The following C7 variants were observed in gnomAD, a reference collection of about 807,000 sequenced individuals.
The protein encoded by C7 is complement C7.
In C7, 83 loss-of-function variants were observed where a neutral mutation model predicts 104.8. That is an observed-to-expected ratio of 0.79 (90% CI 0.66 to 0.95). C7 has a LOEUF of 0.95. C7 is among the 40% of genes least tolerant of loss of function. C7 has a pLI of 0.00. For synonymous variants in C7, 415 were observed against 360.6 expected (o/e 1.15, Z -1.71); for missense variants, 1,070 against 1,011.2 (o/e 1.06, Z -0.79).
chr5:40,922,768 G>T (rs1739468440), intron 1 of C7, among the ~76,000 whole-genome samples: 1 of 151,562 alleles, frequency 6.6e-6, no homozygotes, highest in Non-Finnish European at 1.5e-5. Context: ...GGAAAACTGG[G>T]CATCCATATT....
chr5:40,943,687 G>T (rs533778765), intron 6 of C7, among the ~76,000 whole-genome samples: 2 of 146,594 alleles, frequency 1.4e-5, no homozygotes, highest in African/African-American at 5.3e-5. Flanking sequence ...ATACATATAT[G>T]TGTGTGTGTG....
chr5:40,928,693 T>C (rs898915490), intron 2 of C7, 58 bp downstream of exon 2: 6 of 1,051,798 alleles, frequency 5.7e-6, no homozygotes, highest in Non-Finnish European at 7.1e-6. Context: ...GTTTTAGTAA[T>C]TCTTTAGTCT....
chr5:40,910,806 C>CAAA (rs569169059), intron 1 of C7, among the ~76,000 whole-genome samples: 1 of 128,442 alleles, frequency 7.8e-6, no homozygotes, highest in African/African-American at 2.9e-5. Context: ...AAAAAAAAAA[C>CAAA]AAAAAAAAAA....
intron 6 of C7, among the ~76,000 whole-genome samples, chr5:40,941,739 A>T (rs1011023658): frequency 2.0e-5 from 3 of 152,214 alleles, no homozygotes; most frequent in African/African-American, 7.2e-5. Flanking sequence ...CAATGGCCAG[A>T]TGAAAATACA....
At chr5:40,938,910 T>C (rs1006518260) in intron 6 of C7, among the ~76,000 whole-genome samples, 2 of 152,186 alleles carry the variant, frequency 1.3e-5, no homozygotes. Flanking sequence ...GCAATAGCGG[T>C]TGGCATCTTC....
intron 7 of C7, among the ~76,000 whole-genome samples, chr5:40,945,875 C>CGTAT (rs1740035730): frequency 7.9e-6 from 1 of 127,326 alleles, no homozygotes; most frequent in African/African-American, 2.7e-5. Context: ...AAAAAAAATA[C>CGTAT]ATATATATAT....
At chr5:40,950,597 A>G (rs1272534289) in intron 9 of C7, among the ~76,000 whole-genome samples, 2 of 152,260 alleles carry the variant, frequency 1.3e-5, no homozygotes, top group African/African-American at 4.8e-5. Flanking sequence ...TAAAAAATCT[A>G]TTTGGTAATT....
chr5:40,952,505 T>TA (rs1310652081), intron 9 of C7, among the ~76,000 whole-genome samples: 3 of 150,722 alleles, frequency 2.0e-5, no homozygotes, highest in African/African-American at 7.3e-5. Flanking sequence ...TTTATTTATT[T>TA]TTATTATACT....
chr5:40,975,224 A>G (rs1740788473), intron 15 of C7, among the ~76,000 whole-genome samples: 1 of 152,228 alleles, frequency 6.6e-6, no homozygotes, highest in Admixed American at 6.5e-5. Flanking sequence ...TAAAAAATTA[A>G]TATTAGTACA....
intron 9 of C7, among the ~76,000 whole-genome samples, chr5:40,952,571 T>C (rs202215275): frequency 6.6e-6 from 1 of 152,124 alleles, no homozygotes. Flanking sequence ...TGTATACATG[T>C]GCCATGTTGG....
chr5:40,947,507 A>G lies in C7; in HGVS notation c.739-95A>G, dbSNP rs114184016. 3,767 of 1,345,010 alleles carry G rather than the reference A, an allele frequency of 2.8e-3. 87 individuals carry two copies. In the African/African-American group the frequency reaches 0.049, roughly 17 times the overall value. The allele number at this position is 1,345,010 out of a possible 1,614,324, so 83.3% of individuals were successfully genotyped here. A position where few individuals can be genotyped will look rare whatever the true frequency, so the allele number is the denominator to read the frequency against. The stretch of plus-strand genomic sequence containing the variant: ...AATTCTTGTAGTCTTGGTTGATTGG[A>G]GATGAGAGCTGATGAAGGTATTGAA... On this transcript the variant is annotated intron_variant, in intron 7 of 17. Transcript: ENST00000313164.
At chr5:40,951,453 G>A (rs1045263235) in intron 9 of C7, among the ~76,000 whole-genome samples, 5 of 152,030 alleles carry the variant, frequency 3.3e-5, no homozygotes, top group Non-Finnish European at 7.4e-5. Context: ...ATAGTCACTG[G>A]GGACTGCTAG....
In C7 at chr5:40,972,537, T is replaced by A. The variant is rs1740723149; in HGVS notation, c.2017T>A (p.Cys673Ser). ...CTTAGAAGGTCCTTCAGCATTTCTCTGTGGCTCCAGCCTTAAGTGGAGTCC... is the reference window on the plus strand; with the variant it reads ...CTTAGAAGGTCCTTCAGCATTTCTCAGTGGCTCCAGCCTTAAGTGGAGTCC... ...MSLEGPSAFLCGSSLKWSPEM... is the reference protein window; with the variant it reads ...MSLEGPSAFLSGSSLKWSPEM... Residue 673 changes from cysteine (C) to serine (S), a missense_variant, in exon 15 of 18, where the codon TGT (cysteine) becomes AGT (serine). Coordinates refer to ENST00000313164, the MANE Select transcript of C7 (RefSeq NM_000587.4). 6.2e-7 allele frequency: 1 copy of A among 1,613,374 alleles called. No homozygotes were observed. The highest frequency in any genetic ancestry group is 8.5e-7 in the Non-Finnish European group (1 of 1,179,612).
chr5:40,972,185 A>T (rs1426381705), intron 14 of C7: 19 of 576,750 alleles, frequency 3.3e-5, no homozygotes, highest in Non-Finnish European at 5.9e-5. Context: ...GGGGTGGGAG[A>T]GGGGGAGCTG....
chr5:40,941,788 G>C (rs1040043604), intron 6 of C7, among the ~76,000 whole-genome samples: 1 of 152,198 alleles, frequency 6.6e-6, no homozygotes, highest in African/African-American at 2.4e-5. Flanking sequence ...GCAGGGAGAA[G>C]ACAAATCCAG....
intron 2 of C7, among the ~76,000 whole-genome samples, chr5:40,930,157 C>T (rs759162179): frequency 6.6e-6 from 1 of 151,072 alleles, no homozygotes; most frequent in Non-Finnish European, 1.5e-5. Flanking sequence ...TTTGTTTACA[C>T]ATCTGTGTCT....
intron 9 of C7, chr5:40,955,032 CCACT>C (rs1444429595): frequency 4.3e-6 from 1 of 234,576 alleles, no homozygotes; most frequent in Non-Finnish European, 8.3e-6. Flanking sequence ...AAAGCCTTCC[CCACT>C]ATCAACATCT....
At chr5:40,926,304 C>A (rs1739551150) in intron 1 of C7, among the ~76,000 whole-genome samples, 1 of 152,160 alleles carries the variant, frequency 6.6e-6, no homozygotes, top group Non-Finnish European at 1.5e-5. Context: ...TAACATTACA[C>A]CCACCAGTGA....
intron 9 of C7, among the ~76,000 whole-genome samples, chr5:40,950,824 G>T (rs1307134506): frequency 4.8e-4 from 73 of 152,246 alleles, no homozygotes. Context: ...TCAGGTTTTT[G>T]GTGCATGCTG....
Sources: gnomAD v4.1 joint callset for allele counts (sites outside exome capture counted in the v4.1 genomes callset) on GRCh38, gnomAD v4.1.1 for gene constraint, MANE v1.5 for transcripts, NCBI Gene and HGNC (gene_info 2026-07-23, HGNC 2026-07-21) for gene names.